The following SYBU variants were observed in gnomAD, a reference collection of about 807,000 sequenced individuals.
The protein encoded by SYBU is syntabulin, also known as GOLSYN A protein.
In SYBU, 21 loss-of-function variants were observed where a neutral mutation model predicts 35.9. The ratio of observed to expected loss-of-function variants is 0.58; its 90% CI spans 0.41 to 0.84. The LOEUF is 0.84. SYBU is among the 40% of genes least tolerant of loss of function. The pLI is 0.00. For synonymous variants in SYBU, 319 were observed against 324.3 expected, an observed-to-expected ratio of 0.98 and a Z score of 0.18; for missense variants, 768 against 848.2, an observed-to-expected ratio of 0.91 and a Z score of 1.17.
chr8:109,657,567 A>G lies in SYBU; in HGVS notation c.-129+23144T>C, dbSNP rs187197627. 6.2e-4 allele frequency among the ~76,000 whole-genome samples: 95 copies of G among 152,314 alleles called. 1 individual carries two copies. The highest frequency in any genetic ancestry group is 2.2e-3 in the African/African-American group (92 of 41,568). ...TTAAGCATTCTATTCCTGTAACCTG[A>G]CTTCATCCTTTTCTTTCCACTGTTG... On this transcript the variant is annotated intron_variant, in intron 1 of 5. Transcript: ENST00000408889.
At chr8:109,607,157 G>T (rs1826151925) in intron 3 of SYBU, among the ~76,000 whole-genome samples, 1 of 152,162 alleles carries the variant, frequency 6.6e-6, no homozygotes, top group Admixed American at 6.5e-5. Context: ...AGTACTTTAA[G>T]ATGACTCATG....
intron 5 of SYBU, among the ~76,000 whole-genome samples, chr8:109,578,930 A>G (rs1822683928): frequency 6.6e-6 from 1 of 152,166 alleles, no homozygotes; most frequent in Non-Finnish European, 1.5e-5. Context: ...TCCTCTACTT[A>G]ACTCTCCCCA....
rs1207193509 is a variant in SYBU at position 109,575,237 on chromosome 8, A to AAAAGG, written c.1656_1660dup (p.Leu554SerfsTer23). On this transcript the variant is annotated frameshift_variant, in exon 7 of 7. Transcript: ENST00000276646. LOFTEE classifies it low-confidence loss of function (END_TRUNC). ...GGCGTAGGGGGTCTCCACGGGAGAC[A>AAAAGG]AAAGGATGGCTGAGTTTGGATTTCT... 1 of 1,614,120 alleles carries AAAAGG rather than the reference A, an allele frequency of 6.2e-7. No individual in the cohort carries two copies. The highest frequency in any genetic ancestry group is 1.3e-5 in the African/African-American group (1 of 74,944).
chr8:109,578,767 G>C (rs892977248), intron 5 of SYBU, among the ~76,000 whole-genome samples: 5 of 152,218 alleles, frequency 3.3e-5, no homozygotes, highest in African/African-American at 4.8e-5. Context: ...AAGGAAGCCA[G>C]CCAGAGGACC....
intron 1 of SYBU, among the ~76,000 whole-genome samples, chr8:109,678,433 C>A (rs1288512156): frequency 1.6e-5 from 2 of 123,852 alleles, no homozygotes; most frequent in Non-Finnish European, 3.3e-5. Context: ...TTTCAAATAA[C>A]CTTTTTTTTT....
chr8:109,604,948 T>A (rs1825919530), intron 3 of SYBU, among the ~76,000 whole-genome samples: 1 of 152,030 alleles, frequency 6.6e-6, no homozygotes, highest in South Asian at 2.1e-4. Context: ...CAGAGGTGAG[T>A]ACAAGAAGCC....
chr8:109,632,099 G>A (rs1415863740), intron 2 of SYBU, among the ~76,000 whole-genome samples: 1 of 152,154 alleles, frequency 6.6e-6, no homozygotes, highest in Non-Finnish European at 1.5e-5. Context: ...GCCCAGGCTG[G>A]AGAACAGTGG....
chr8:109,577,913 T>C lies in SYBU; in HGVS notation c.839A>G (p.His280Arg). 6.2e-7 allele frequency: 1 copy of C among 1,613,932 alleles called. No homozygotes were observed. ...PLQQKEVTVR[H>R]LKTKLKESER... ...AGATTCCTTCAGCTTGGTTTTGAGGTGTCTCACTGTCACCTCTTTCTGCTG... is the reference window on the plus strand; with the variant it reads ...AGATTCCTTCAGCTTGGTTTTGAGGCGTCTCACTGTCACCTCTTTCTGCTG... The change falls in exon 6 of 7, where the codon CAC becomes CGC. Residue 280 changes from histidine to arginine, a missense_variant. His to Arg is a conservative substitution (Grantham distance 29). Transcript: ENST00000276646.
intron 6 of SYBU, 119 bp from the exon 7 acceptor site, chr8:109,576,132 T>A: frequency 8.1e-7 from 1 of 1,235,550 alleles, no homozygotes; most frequent in Non-Finnish European, 1.1e-6. Context: ...CTCATACTCT[T>A]CCACTTGAAA....
intron 1 of SYBU, among the ~76,000 whole-genome samples, chr8:109,687,552 G>C (rs1415618882): frequency 6.6e-6 from 1 of 152,138 alleles, no homozygotes; most frequent in Non-Finnish European, 1.5e-5. Flanking sequence ...GTAAAACACT[G>C]ATTGATGAGG....
At chr8:109,583,561 C>G (rs1830168062) in intron 4 of SYBU, among the ~76,000 whole-genome samples, 1 of 152,194 alleles carries the variant, frequency 6.6e-6, no homozygotes, top group Non-Finnish European at 1.5e-5. Context: ...CACTGATTGA[C>G]CAATCTTCCT....
intron 1 of SYBU, among the ~76,000 whole-genome samples, chr8:109,668,423 TA>T (rs1163424316): frequency 2.0e-5 from 3 of 152,198 alleles, no homozygotes; most frequent in Admixed American, 6.5e-5. Context: ...GGAAACTGGC[TA>T]GGTAACTTAG....
chr8:109,619,453 C>T (rs1812193022), intron 2 of SYBU, among the ~76,000 whole-genome samples: 1 of 152,116 alleles, frequency 6.6e-6, no homozygotes, highest in South Asian at 2.1e-4. Context: ...TCTCAAACTC[C>T]TGGCCTCAAG....
chr8:109,575,691 G>C lies in SYBU; in HGVS notation c.1207C>G (p.Leu403Val). 1 of 1,614,116 alleles carries C rather than the reference G, an allele frequency of 6.2e-7. No individual in the cohort carries two copies. Among genetic ancestry groups the C allele is most frequent in the Non-Finnish European group, 8.5e-7 (1 of 1,180,030 alleles). Residue 403 changes from leucine (L) to valine (V), a missense_variant, in exon 7 of 7, where the codon CTC (leucine) becomes GTC (valine). Coordinates refer to ENST00000276646, the MANE Select transcript of SYBU (RefSeq NM_001099754.2). ...GCCATTGTGTCAAGAGGGGGGTTGAGGGTTAAGCTCTTCTCTGGGGAATCA... is the reference window on the plus strand; with the variant it reads ...GCCATTGTGTCAAGAGGGGGGTTGACGGTTAAGCTCTTCTCTGGGGAATCA... Reference protein sequence around the residue: ...PCDSPEKSLTLNPPLDTMADG... With the variant: ...PCDSPEKSLTVNPPLDTMADG...
intron 4 of SYBU, among the ~76,000 whole-genome samples, chr8:109,582,021 T>G (rs1428491965): frequency 6.6e-6 from 1 of 152,124 alleles, no homozygotes; most frequent in East Asian, 1.9e-4. Flanking sequence ...TGGTGTGCAT[T>G]TTCTTTTCCA....
chr8:109,683,617 C>A (rs565429261), upstream of SYBU, among the ~76,000 whole-genome samples: 6 of 152,036 alleles, frequency 3.9e-5, no homozygotes, highest in East Asian at 1.2e-3. Flanking sequence ...TGAGTTAAGA[C>A]TTTGGGGGAC....
chr8:109,661,953 C>A lies in SYBU; in HGVS notation c.-129+18758G>T, dbSNP rs146856417. On this transcript the variant is annotated intron_variant, in intron 1 of 5. Coordinates refer to the SYBU transcript ENST00000408889. ...CATGCTTACTGTGGAATTTAGATCT[C>A]CAGCTTGTCCAAGCCGAGGTCTTTT... Among the ~76,000 whole-genome samples, 5 of 152,334 alleles carry A rather than the reference C, an allele frequency of 3.3e-5. No homozygotes were observed. In the East Asian group the frequency reaches 9.6e-4, roughly 29 times the overall value.
intron 2 of SYBU, among the ~76,000 whole-genome samples, chr8:109,635,607 T>G (rs1814136449): frequency 6.6e-6 from 1 of 152,196 alleles, no homozygotes; most frequent in Admixed American, 6.5e-5. Context: ...ATCCTGCTAT[T>G]CCATATTATT....
intron 1 of SYBU, among the ~76,000 whole-genome samples, chr8:109,670,341 G>A (rs181138286): frequency 6.7e-5 from 10 of 149,854 alleles, no homozygotes; most frequent in African/African-American, 2.4e-4. Context: ...TTGGTGTGCT[G>A]CACCCATTAA....
Sources: allele counts gnomAD v4.1 joint callset (sites outside exome capture counted in the v4.1 genomes callset), GRCh38; gene constraint gnomAD v4.1.1; transcripts MANE v1.5; gene names NCBI Gene and HGNC (gene_info 2026-07-23, HGNC 2026-07-21).